The following UBE2E1 variants were observed in gnomAD, a reference collection of about 807,000 sequenced individuals.
UBE2E1 encodes the protein ubiquitin-conjugating enzyme E2 E1.
UBE2E1 carries 6 observed loss-of-function variants against 21.4 expected under a neutral mutation model. The ratio of observed to expected loss-of-function variants is 0.28; its 90% CI spans 0.15 to 0.55. The LOEUF (loss-of-function observed/expected upper bound fraction) is 0.55. Among genes scored for constraint, UBE2E1 ranks in the 20% least tolerant of loss-of-function variants. UBE2E1 has a pLI of 0.93. For synonymous variants in UBE2E1, 87 were observed against 82.7 expected, an observed-to-expected ratio of 1.05 and a Z score of -0.28; for missense variants, 142 against 236.5, an observed-to-expected ratio of 0.60 and a Z score of 2.62.
Position 23,887,860 on chromosome 3 carries a change from T to C in UBE2E1, c.336+161T>C. The C allele has an allele frequency of 9.9e-7, 1 of 1,010,216 alleles. No homozygotes were observed. The highest frequency in any genetic ancestry group is 1.8e-5 in the South Asian group (1 of 54,762). The allele number at this position is 1,010,216 out of a possible 1,614,324, so 62.6% of individuals were successfully genotyped here. A position where few individuals can be genotyped will look rare whatever the true frequency, so the allele number is the denominator to read the frequency against. On this transcript the variant is annotated intron_variant, in intron 4 of 5. Transcript: ENST00000306627. The surrounding 1 kb of genome is among the most constrained non-coding windows in gnomAD (Gnocchi z 4.4). ...TACAAAACACTTCTTTAGGTTGATT[T>C]TGCCTTATCTGGCAGAGACCATTCT...
chr3:23,811,628 A>G (rs56179735), intron 3 of UBE2E1, 118 bp downstream of exon 3: 18,773 of 884,452 alleles, frequency 0.021, 273 homozygotes, highest in South Asian at 0.03. Context: ...TATGGCACTA[A>G]CATCACGTAA....
chr3:23,815,243 G>A lies in UBE2E1; in HGVS notation c.203+3733G>A, dbSNP rs150819881. The stretch of plus-strand genomic sequence containing the variant: ...GCCGTCCACCCACTTTGCCCTTCCA[G>A]AGTGCTGGGATTACAGGCGTGAGCC... On this transcript the variant is annotated intron_variant, in intron 3 of 5. Transcript: ENST00000306627. Among the ~76,000 whole-genome samples, 439 of 152,318 alleles carry A rather than the reference G, an allele frequency of 2.9e-3. 11 individuals are homozygous for A. The East Asian group carries it at 0.044, about 15-fold the overall frequency.
chr3:23,812,675 G>T (rs1190800561), intron 3 of UBE2E1, among the ~76,000 whole-genome samples: 1 of 152,186 alleles, frequency 6.6e-6, no homozygotes, highest in East Asian at 1.9e-4. Context: ...TAATCATTCT[G>T]GGGAATTCTT....
intron 3 of UBE2E1, among the ~76,000 whole-genome samples, chr3:23,860,974 A>G (rs1403386381): frequency 6.6e-6 from 1 of 152,234 alleles, no homozygotes; most frequent in Admixed American, 6.5e-5. Flanking sequence ...TTATTTATTT[A>G]GTAAGTGATG....
chr3:23,835,910 G>A lies in UBE2E1; in HGVS notation c.203+24400G>A, dbSNP rs185496732. Among the ~76,000 whole-genome samples, 212 of 152,326 alleles carry A rather than the reference G, an allele frequency of 1.4e-3. 1 individual carries two copies. Among genetic ancestry groups the A allele is most frequent in the African/African-American group, 5.0e-3 (206 of 41,568 alleles). ...AATAGCTTTATATTTAAAGGCATTA[G>A]GAAAGGGGGAGGCAGGGAGGGAAAG... On this transcript the variant is annotated intron_variant, in intron 3 of 5. Coordinates refer to ENST00000306627, the MANE Select transcript of UBE2E1 (RefSeq NM_003341.5).
At chr3:23,889,595 C>T (rs1244858689) in intron 5 of UBE2E1, 4 of 985,226 alleles carry the variant, frequency 4.1e-6, no homozygotes, top group African/African-American at 3.5e-5. Flanking sequence ...TTCTAAATGT[C>T]GAGTCATCTG....
intron 3 of UBE2E1, among the ~76,000 whole-genome samples, chr3:23,825,929 T>C (rs1699748690): frequency 6.6e-6 from 1 of 152,174 alleles, no homozygotes; most frequent in Non-Finnish European, 1.5e-5. Flanking sequence ...TATTCCCCGC[T>C]GTTAGGAGAC....
chr3:23,845,620 T>G (rs1463519503), intron 3 of UBE2E1, among the ~76,000 whole-genome samples: 1 of 151,638 alleles, frequency 6.6e-6, no homozygotes, highest in Non-Finnish European at 1.5e-5. Context: ...TGTGTGTATG[T>G]GTGTGTATGT....
intron 3 of UBE2E1, among the ~76,000 whole-genome samples, chr3:23,845,726 A>G (rs1012191007): frequency 1.3e-5 from 2 of 152,096 alleles, no homozygotes; most frequent in African/African-American, 4.8e-5. Context: ...TCTAGGCGTC[A>G]TAGGCCATTT....
At chr3:23,819,567 A>G (rs1699601837) in intron 3 of UBE2E1, among the ~76,000 whole-genome samples, 1 of 152,154 alleles carries the variant, frequency 6.6e-6, no homozygotes, top group Non-Finnish European at 1.5e-5. Flanking sequence ...GAGAGTAGGG[A>G]TTATTATGTC....
At chr3:23,885,304 A>C (rs886267378) in intron 3 of UBE2E1, among the ~76,000 whole-genome samples, 1 of 152,210 alleles carries the variant, frequency 6.6e-6, no homozygotes, top group Non-Finnish European at 1.5e-5. Context: ...TTAGGATTTC[A>C]ACATAAAAGT....
At chr3:23,875,517 T>G (rs1700895941) in intron 3 of UBE2E1, among the ~76,000 whole-genome samples, 1 of 152,220 alleles carries the variant, frequency 6.6e-6, no homozygotes, top group South Asian at 2.1e-4. Context: ...CAAATCATCC[T>G]TGTGCGTCAC....
chr3:23,873,834 C>T (rs1211115101), intron 3 of UBE2E1, among the ~76,000 whole-genome samples: 2 of 152,138 alleles, frequency 1.3e-5, no homozygotes, highest in Admixed American at 1.3e-4. Context: ...AATAGGGTAA[C>T]CATATAACAT....
intron 3 of UBE2E1, among the ~76,000 whole-genome samples, chr3:23,813,832 C>T (rs1224089525): frequency 6.6e-6 from 1 of 152,266 alleles, no homozygotes; most frequent in East Asian, 1.9e-4. Context: ...TGAGCCACTG[C>T]ACCTGGCCTT....
At chr3:23,848,432 T>G (rs534688609) in intron 3 of UBE2E1, among the ~76,000 whole-genome samples, 18 of 151,400 alleles carry the variant, frequency 1.2e-4, no homozygotes, top group South Asian at 6.3e-4. Flanking sequence ...ATCGTGCCCC[T>G]GCACTCCAGC....
intron 3 of UBE2E1, among the ~76,000 whole-genome samples, chr3:23,819,012 C>A (rs1046895619): frequency 6.6e-6 from 1 of 152,164 alleles, no homozygotes; most frequent in Non-Finnish European, 1.5e-5. Flanking sequence ...AGTCCGGGCA[C>A]GGTGGCTTAC....
rs895793298 is a variant in UBE2E1 at position 23,871,179 on chromosome 3, A to G, written c.204-16388A>G. Among the ~76,000 whole-genome samples the G allele has an allele frequency of 2.8e-3, 427 of 151,864 alleles. 5 individuals are homozygous for G. The highest frequency in any genetic ancestry group is 2.8e-3 in the Non-Finnish European group (188 of 67,926). On this transcript the variant is annotated intron_variant, in intron 3 of 5. Transcript: ENST00000306627. ...GCCATTGTCATCATGGCCCGTTCTC[A>G]ATGAGCTGTTGGGTACACCTCCCAG...
rs1559492775 is a variant in UBE2E1, at chr3:23,876,693, T to A, written c.204-10874T>A. On this transcript the variant is annotated intron_variant, in intron 3 of 5. Coordinates refer to ENST00000306627, the MANE Select transcript of UBE2E1 (RefSeq NM_003341.5). This position sits in a 1 kb window ranked among gnomAD's most constrained non-coding sequence, Gnocchi z 4.3. ...AGGCATTACCAGGGTTGATGCATAT[T>A]TATTACTGCAAAGAGTTGTAGACAA... Among the ~76,000 whole-genome samples the A allele has an allele frequency of 6.6e-6, 1 of 152,194 alleles. No homozygotes were observed. The highest frequency in any genetic ancestry group is 1.5e-5 in the Non-Finnish European group (1 of 68,030).
chr3:23,889,732 T>C (rs1701312142), intron 5 of UBE2E1: 1 of 985,270 alleles, frequency 1.0e-6, no homozygotes, highest in Non-Finnish European at 1.2e-6. Flanking sequence ...TTGTGACTTT[T>C]TTGGGACTTC....
Sources: allele counts gnomAD v4.1 joint callset (sites outside exome capture counted in the v4.1 genomes callset), GRCh38; gene constraint gnomAD v4.1.1; non-coding constraint Gnocchi (gnomAD v3.1); transcripts MANE v1.5; gene names NCBI Gene and HGNC (gene_info 2026-07-23, HGNC 2026-07-21).